ACOXL: variants seen among roughly 807,000 people sequenced by gnomAD.
ACOXL encodes acyl-CoA oxidase like.
A neutral mutation model predicts 71.9 loss-of-function variants in ACOXL; 70 were observed. The observed-to-expected ratio is 0.97, with a 90% CI of 0.80 to 1.19. The LOEUF is 1.19. Ranked by LOEUF, ACOXL falls within the 50% of genes most tolerant of loss-of-function variation. The pLI, the probability that ACOXL is intolerant of heterozygous loss-of-function variation, is 0.00. For synonymous variants in ACOXL, 253 were observed against 281.6 expected (o/e 0.90, Z 1.02); for missense variants, 703 against 736.3 (o/e 0.95, Z 0.52).
intron 15 of ACOXL, among the ~76,000 whole-genome samples, chr2:111,043,845 C>T (rs1049619086): frequency 1.3e-5 from 2 of 152,178 alleles, no homozygotes; most frequent in African/African-American, 4.8e-5. Flanking sequence ...AAGCTGGCTT[C>T]CTCATCTTCA....
At chr2:110,883,780 A>G (rs1333759395) in intron 10 of ACOXL, among the ~76,000 whole-genome samples, 3 of 152,228 alleles carry the variant, frequency 2.0e-5, no homozygotes, top group African/African-American at 7.2e-5. Context: ...AAAATTGTTC[A>G]TACATGCTGC....
intron 12 of ACOXL, among the ~76,000 whole-genome samples, chr2:110,948,316 C>T (rs890310684): frequency 6.6e-6 from 1 of 152,136 alleles, no homozygotes; most frequent in Admixed American, 6.5e-5. Flanking sequence ...GCATAGGGAA[C>T]GCTGAAGCAA....
In ACOXL at chr2:110,757,055, A is replaced by AC. The variant is rs964783968; in HGVS notation, c.-22-11305dup. On this transcript the variant is annotated intron_variant, in intron 1 of 17. Coordinates refer to ENST00000439055, the MANE Select transcript of ACOXL (RefSeq NM_001142807.4). The stretch of plus-strand genomic sequence containing the variant: ...TCTACCTGATGCTCTCCCTCCTCCA[A>AC]CCCCCCCCAAGACAGGCTCCAGTGC... Among the ~76,000 whole-genome samples the AC allele has an allele frequency of 1.0e-4, 15 of 147,778 alleles. No homozygotes were observed. The South Asian group carries it at 1.8e-3, about 17-fold the overall frequency.
chr2:110,877,844 A>T (rs1696117341), intron 10 of ACOXL, among the ~76,000 whole-genome samples: 1 of 152,088 alleles, frequency 6.6e-6, no homozygotes, highest in African/African-American at 2.4e-5. Context: ...GGTAATAATG[A>T]CTCTGCACCT....
intron 3 of ACOXL, among the ~76,000 whole-genome samples, chr2:110,789,301 G>A (rs1362226918): frequency 6.6e-6 from 1 of 152,204 alleles, no homozygotes; most frequent in East Asian, 1.9e-4. Flanking sequence ...TCTAACTAAA[G>A]CTGAAAGAAA....
chr2:110,804,626 C>T (rs932993012), intron 8 of ACOXL, among the ~76,000 whole-genome samples: 12 of 151,458 alleles, frequency 7.9e-5, no homozygotes, highest in Non-Finnish European at 1.8e-4. Context: ...GTGGTATATC[C>T]ATACAATGGA....
In ACOXL at chr2:111,005,471, G is replaced by A. The variant is rs574584417; in HGVS notation, c.1281+9467G>A. Among the ~76,000 whole-genome samples the A allele has an allele frequency of 5.9e-5, 9 of 152,076 alleles. No homozygotes were observed. In the South Asian group the frequency reaches 6.2e-4, roughly 11 times the overall value. The stretch of plus-strand genomic sequence containing the variant: ...CTTCCTGTATAGAAAAATGACTGCC[G>A]CCCACAGTTTTTATTGTTGTGGTCA... On this transcript the variant is annotated intron_variant, in intron 14 of 17. Transcript: ENST00000439055.
At chr2:111,002,392 A>G (rs1439449418) in intron 14 of ACOXL, among the ~76,000 whole-genome samples, 1 of 152,230 alleles carries the variant, frequency 6.6e-6, no homozygotes, top group Non-Finnish European at 1.5e-5. Context: ...TTTTGAAGCA[A>G]AATATAAAGA....
At chr2:110,974,215 CAG>C (rs966166886) in intron 12 of ACOXL, among the ~76,000 whole-genome samples, 8 of 152,182 alleles carry the variant, frequency 5.3e-5, no homozygotes, top group African/African-American at 1.4e-4. Context: ...TCAGGAGACA[CAG>C]GGGAGAAACT....
intron 17 of ACOXL, chr2:111,099,324 T>A (rs2068987837): frequency 6.6e-6 from 1 of 152,258 alleles, no homozygotes; most frequent in Non-Finnish European, 1.5e-5. Context: ...GTCTGGAACT[T>A]CAGTGTTGTC....
At chr2:110,849,310 A>G (rs1452706190) in intron 10 of ACOXL, among the ~76,000 whole-genome samples, 2 of 152,202 alleles carry the variant, frequency 1.3e-5, no homozygotes, top group Non-Finnish European at 2.9e-5. Flanking sequence ...GTCTTTCTTG[A>G]ATGATATCCC....
chr2:110,847,426 A>T (rs977655879), intron 10 of ACOXL, among the ~76,000 whole-genome samples: 1 of 152,190 alleles, frequency 6.6e-6, no homozygotes, highest in African/African-American at 2.4e-5. Flanking sequence ...TATTTCTAAG[A>T]AGAGCTCGTG....
chr2:110,929,437 C>G (rs1163798301), intron 11 of ACOXL, among the ~76,000 whole-genome samples: 1 of 152,140 alleles, frequency 6.6e-6, no homozygotes, highest in African/African-American at 2.4e-5. Flanking sequence ...GACTTGGGTG[C>G]TGTTAAAAAC....
chr2:111,010,865 T>C (rs72946245), intron 14 of ACOXL, among the ~76,000 whole-genome samples: 2,339 of 152,280 alleles, frequency 0.015, 68 homozygotes, highest in African/African-American at 0.054. Flanking sequence ...TGTGTATGTA[T>C]TAAAATGAAA....
intron 13 of ACOXL, 149 bp downstream of exon 13, chr2:110,987,366 T>C (rs887635291): frequency 3.0e-6 from 2 of 664,890 alleles, no homozygotes; most frequent in African/African-American, 3.6e-5. Flanking sequence ...TGAATACTCA[T>C]ACACTCACTA....
intron 9 of ACOXL, among the ~76,000 whole-genome samples, chr2:110,827,255 T>G (rs1689272620): frequency 6.6e-6 from 1 of 151,658 alleles, no homozygotes. Context: ...CCTGCAGGAG[T>G]AGCCAAAAGA....
chr2:110,771,855 A>C (rs1255449397), intron 2 of ACOXL, among the ~76,000 whole-genome samples: 1 of 152,180 alleles, frequency 6.6e-6, no homozygotes, highest in East Asian at 1.9e-4. Context: ...CTATTTCCAG[A>C]TGCAGAGACC....
chr2:110,880,670 G>A (rs954762447), intron 10 of ACOXL, among the ~76,000 whole-genome samples: 4 of 152,138 alleles, frequency 2.6e-5, no homozygotes, highest in Non-Finnish European at 4.4e-5. Context: ...TCTACTGGCC[G>A]AGCACAGTGG....
intron 12 of ACOXL, among the ~76,000 whole-genome samples, chr2:110,964,456 A>G (rs1477076569): frequency 1.3e-5 from 2 of 152,242 alleles, no homozygotes; most frequent in African/African-American, 4.8e-5. Flanking sequence ...AAATGATACA[A>G]AAACATACAG....
Sources: allele counts gnomAD v4.1 joint callset (sites outside exome capture counted in the v4.1 genomes callset), GRCh38; gene constraint gnomAD v4.1.1; transcripts MANE v1.5; gene names NCBI Gene and HGNC (gene_info 2026-07-23, HGNC 2026-07-21).